EYS: variants seen among roughly 807,000 people sequenced by gnomAD.
The protein encoded by EYS is EGF-like photoreceptor maintenance factor, also known as protein eyes shut homolog.
A neutral mutation model predicts 282.1 loss-of-function variants in EYS; 250 were observed. The ratio of observed to expected loss-of-function variants is 0.89; its 90% CI spans 0.80 to 0.98. The LOEUF (loss-of-function observed/expected upper bound fraction) is 0.98. Among genes scored for constraint, EYS ranks in the 50% least tolerant of loss-of-function variants. EYS has a pLI of 0.00. For missense variants in EYS, 4,016 were observed against 3,709.0 expected (o/e 1.08, Z -2.15); for synonymous variants, 1,355 against 1,282.9 (o/e 1.06, Z -1.20).
At chr6:64,558,502 A>G (rs1582892935) in intron 26 of EYS, among the ~76,000 whole-genome samples, 1 of 152,156 alleles carries the variant, frequency 6.6e-6, no homozygotes, top group African/African-American at 2.4e-5. Context: ...CTATAGAGAT[A>G]TGGTAAAACA....
At chr6:65,107,471 TC>T (rs1459423925) in intron 12 of EYS, among the ~76,000 whole-genome samples, 3 of 141,328 alleles carry the variant, frequency 2.1e-5, no homozygotes, top group Non-Finnish European at 4.5e-5. Context: ...AACAATTGGC[TC>T]CCTTGGGGAA....
intron 12 of EYS, among the ~76,000 whole-genome samples, chr6:65,139,852 T>C (rs1261364232): frequency 6.6e-6 from 1 of 152,056 alleles, no homozygotes; most frequent in Admixed American, 6.6e-5. Context: ...AGATGCCATT[T>C]GGGGAATCTG....
intron 35 of EYS, among the ~76,000 whole-genome samples, chr6:63,950,585 C>T (rs928213089): frequency 2.0e-5 from 3 of 152,192 alleles, no homozygotes; most frequent in East Asian, 1.9e-4. Context: ...CACATGGACG[C>T]GCGTGACATT....
At chr6:65,620,540 G>T (rs1393604451) in intron 2 of EYS, among the ~76,000 whole-genome samples, 2 of 151,020 alleles carry the variant, frequency 1.3e-5, no homozygotes, top group African/African-American at 4.9e-5. Context: ...GGTTTTTTGT[G>T]TCTCTATTTC....
Position 64,582,276 on chromosome 6 carries a change from A to G in EYS, c.5644+7947T>C, listed in dbSNP as rs541876311. Among the ~76,000 whole-genome samples, 4 of 152,296 alleles carry G rather than the reference A, an allele frequency of 2.6e-5. No individual in the cohort carries two copies. In the East Asian group the frequency reaches 5.8e-4, roughly 22 times the overall value. On this transcript the variant is annotated intron_variant, in intron 26 of 42. Transcript: ENST00000503581. The stretch of plus-strand genomic sequence containing the variant: ...AGCCTCCTATCAGATCAACAGCCAC[A>G]TTAGATTCTCATTGGAGGTGAACCC...
rs1242651281 is a variant in EYS at position 65,615,283 on chromosome 6, G to T, written c.-333+24495C>A. Among the ~76,000 whole-genome samples, 3 of 151,926 alleles carry T rather than the reference G, an allele frequency of 2.0e-5. No individual in the cohort carries two copies. In the East Asian group the frequency reaches 5.8e-4, roughly 29 times the overall value. On this transcript the variant is annotated intron_variant, in intron 2 of 42. Coordinates refer to ENST00000503581, the MANE Select transcript of EYS (RefSeq NM_001142800.2). ...TTCATCTTTTGAACAAGACTGGCAA[G>T]TAGTGGGTATTAAATGAGCATTGGC...
intron 12 of EYS, among the ~76,000 whole-genome samples, chr6:65,130,924 TTAAC>T (rs1351760747): frequency 6.6e-6 from 1 of 151,384 alleles, no homozygotes; most frequent in Admixed American, 6.6e-5. Flanking sequence ...AAAAATGCAA[TTAAC>T]TAACTCAATA....
chr6:64,948,869 G>T (rs1051428619), intron 14 of EYS, among the ~76,000 whole-genome samples: 1 of 151,660 alleles, frequency 6.6e-6, no homozygotes, highest in Non-Finnish European at 1.5e-5. Context: ...TGACAGGAAA[G>T]ACAGATGATA....
At chr6:65,685,386 G>A (rs1429795985) in intron 1 of EYS, among the ~76,000 whole-genome samples, 1 of 151,994 alleles carries the variant, frequency 6.6e-6, no homozygotes, top group East Asian at 1.9e-4. Context: ...ACATCAAATT[G>A]AAGTTTTGTT....
At chr6:63,912,297 G>A (rs1358967506) in intron 35 of EYS, among the ~76,000 whole-genome samples, 1 of 151,880 alleles carries the variant, frequency 6.6e-6, no homozygotes, top group African/African-American at 2.4e-5. Context: ...AAATTTCTAG[G>A]CCAGGGCTAT....
At position 64,444,803 on chromosome 6, in the gene EYS, T is replaced by C. The variant is rs180866036; in HGVS notation, c.5645-5451A>G. Among the ~76,000 whole-genome samples the C allele has an allele frequency of 5.7e-4, 87 of 152,276 alleles. 1 individual carries two copies. Among genetic ancestry groups the C allele is most frequent in the African/African-American group, 1.9e-3 (80 of 41,542 alleles). On this transcript the variant is annotated intron_variant, in intron 26 of 42. Coordinates refer to ENST00000503581, the MANE Select transcript of EYS (RefSeq NM_001142800.2). ...TTGGTGCCATCTTCACAGTAATGAG[T>C]GAGTTCTCACTCTGAGTTCACATGA... is the stretch of plus-strand genomic sequence containing the variant.
At chr6:63,746,726 A>G (rs1467880787) in intron 41 of EYS, among the ~76,000 whole-genome samples, 1 of 152,198 alleles carries the variant, frequency 6.6e-6, no homozygotes, top group Non-Finnish European at 1.5e-5. Context: ...AGGTGCTTAT[A>G]GTATTCTCTG....
intron 2 of EYS, among the ~76,000 whole-genome samples, chr6:65,610,023 C>T (rs1413529760): frequency 6.6e-6 from 1 of 151,994 alleles, no homozygotes; most frequent in African/African-American, 2.4e-5. Context: ...ATCAGCCTCC[C>T]TAGCAGTTGG....
intron 22 of EYS, among the ~76,000 whole-genome samples, chr6:64,726,806 G>T (rs376295815): frequency 1.3e-5 from 2 of 152,158 alleles, no homozygotes; most frequent in African/African-American, 4.8e-5. Context: ...CCTGTAGAAC[G>T]AAAACAAAAT....
chr6:64,908,985 TG>T (rs1767911654), intron 16 of EYS, among the ~76,000 whole-genome samples: 1 of 152,154 alleles, frequency 6.6e-6, no homozygotes, highest in South Asian at 2.1e-4. Context: ...GGCATTGGCT[TG>T]GAGGTGATGT....
At chr6:64,469,167 TGA>T (rs1397371005) in intron 26 of EYS, among the ~76,000 whole-genome samples, 1 of 152,188 alleles carries the variant, frequency 6.6e-6, no homozygotes, top group Non-Finnish European at 1.5e-5. Context: ...TGTTATTTTT[TGA>T]CTTTTTAATA....
At chr6:65,676,853 C>A (rs1334849928) in intron 1 of EYS, among the ~76,000 whole-genome samples, 1 of 151,544 alleles carries the variant, frequency 6.6e-6, no homozygotes, top group Non-Finnish European at 1.5e-5. Context: ...GAATCATATA[C>A]CATGACCAAG....
intron 29 of EYS, among the ~76,000 whole-genome samples, chr6:64,351,435 A>G (rs1253742983): frequency 6.7e-6 from 1 of 149,632 alleles, no homozygotes; most frequent in Non-Finnish European, 1.5e-5. Flanking sequence ...CTATGCATCC[A>G]TCTATCTATC....
chr6:65,271,839 C>A (rs145203667), intron 12 of EYS, among the ~76,000 whole-genome samples: 118 of 152,244 alleles, frequency 7.8e-4, no homozygotes, highest in Middle Eastern at 3.4e-3. Flanking sequence ...CTGCCTCAGC[C>A]TCCCAAAGTG....
Sources: allele counts gnomAD v4.1 joint callset (sites outside exome capture counted in the v4.1 genomes callset), GRCh38; gene constraint gnomAD v4.1.1; transcripts MANE v1.5; gene names NCBI Gene and HGNC (gene_info 2026-07-23, HGNC 2026-07-21).